Variants in DMBT1 observed in about 807,000 individuals in gnomAD.
DMBT1 encodes scavenger receptor cysteine-rich domain-containing protein DMBT1.
DMBT1 carries 198 observed loss-of-function variants against 252.9 expected under a neutral mutation model. The observed-to-expected ratio is 0.78, with a 90% CI of 0.70 to 0.88. The LOEUF is 0.88. Ranked by LOEUF, DMBT1 falls within the 40% of genes least tolerant of loss-of-function variation. DMBT1 has a pLI of 0.00. For missense variants in DMBT1, 2,432 were observed against 2,404.7 expected, an observed-to-expected ratio of 1.01 and a Z score of -0.24; for synonymous variants, 990 against 942.7, an observed-to-expected ratio of 1.05 and a Z score of -0.92.
chr10:122,586,713 T>A (rs1165072610), intron 16 of DMBT1, among the ~76,000 whole-genome samples: 20 of 148,444 alleles, frequency 1.3e-4, no homozygotes, highest in African/African-American at 4.6e-4. Flanking sequence ...TTCATGAAGA[T>A]AGAGGTTGAT....
chr10:122,643,193 C>T lies in DMBT1; in HGVS notation c.7424C>T (p.Ala2475Val). The change falls in exon 56 of 56, where the codon GCC becomes GTC. Residue 2475 changes from alanine (A) to valine (V), a missense_variant. Around this residue, in one of 3 missense-constraint regions of DMBT1, gnomAD observed 1,162 missense variants for 1,169.0 expected, o/e 0.99. Coordinates refer to ENST00000338354, the MANE Select transcript of DMBT1 (RefSeq NM_001377530.1). ...SLRIARFRFR[A>V]FHFLNRFPSV... Reference sequence around the variant, plus strand: ...CGCATTGCCCGCTTCCGGTTCAGGGCCTTCCACTTCCTGAACCGCTTCCCC... The same window carrying T: ...CGCATTGCCCGCTTCCGGTTCAGGGTCTTCCACTTCCTGAACCGCTTCCCC... 1 of 1,613,936 alleles carries T rather than the reference C, an allele frequency of 6.2e-7. No individual in the cohort carries two copies. The highest frequency in any genetic ancestry group is 8.5e-7 in the Non-Finnish European group (1 of 1,179,870).
At chr10:122,627,611 T>A (rs1246037055) in intron 46 of DMBT1, among the ~76,000 whole-genome samples, 1 of 152,224 alleles carries the variant, frequency 6.6e-6, no homozygotes, top group Non-Finnish European at 1.5e-5. Flanking sequence ...AGTGACTATA[T>A]ACAATAGCAT....
chr10:122,642,336 C>A (rs74969410), intron 55 of DMBT1, among the ~76,000 whole-genome samples: 4 of 152,170 alleles, frequency 2.6e-5, no homozygotes, highest in Non-Finnish European at 4.4e-5. Context: ...CCACCACCCA[C>A]GAGAAATGCC....
intron 1 of DMBT1, 125 bp from the exon 2 acceptor site, chr10:122,565,842 C>A: frequency 1.1e-6 from 1 of 899,958 alleles, no homozygotes; most frequent in Non-Finnish European, 1.8e-6. Flanking sequence ...CGGGGACACA[C>A]AAACCCAAGA....
At chr10:122,618,452 T>C in intron 41 of DMBT1, 112 bp downstream of exon 41, 2 of 1,550,804 alleles carry the variant, frequency 1.3e-6, no homozygotes, top group East Asian at 4.6e-5. Flanking sequence ...TTTTCTATAT[T>C]TCTGAAGTCT....
intron 26 of DMBT1, among the ~76,000 whole-genome samples, chr10:122,599,357 G>A (rs115590461): frequency 2.0e-5 from 3 of 152,266 alleles, no homozygotes; most frequent in Admixed American, 2.0e-4. Flanking sequence ...GAAGAGAAAA[G>A]TGCTGGCTCC....
At chr10:122,620,999 C>T (rs1476380095) in intron 43 of DMBT1, 58 bp from the exon 44 acceptor site, 1 of 1,606,160 alleles carries the variant, frequency 6.2e-7, no homozygotes, top group Non-Finnish European at 8.5e-7. Flanking sequence ...GTGGAACATT[C>T]CTTAAATCCT....
chr10:122,618,826 G>A (rs371359107), intron 41 of DMBT1, among the ~76,000 whole-genome samples: 3 of 152,262 alleles, frequency 2.0e-5, no homozygotes, highest in South Asian at 2.1e-4. Context: ...ATGTCTGTTT[G>A]TGTCAGGCCT....
chr10:122,629,871 C>G lies in DMBT1; in HGVS notation c.5700C>G (p.Phe1900Leu). Residue 1900 changes from phenylalanine (F) to leucine (L), a missense_variant, in exon 47 of 56, where the codon TTC becomes TTG. Coordinates refer to ENST00000338354, the MANE Select transcript of DMBT1 (RefSeq NM_001377530.1). The stretch of plus-strand genomic sequence containing the variant: ...CTTCAAATTGTGGTGGCTTCTTATT[C>G]TATGCCAGTGGGACATTCTCCAGCC... ...RPSSNCGGFL[F>L]YASGTFSSPS... The G allele has an allele frequency of 6.2e-7, 1 of 1,614,022 alleles. No individual in the cohort carries two copies. The highest frequency in any genetic ancestry group is 8.5e-7 in the Non-Finnish European group (1 of 1,179,876).
rs546531968 is a variant in DMBT1, at chr10:122,586,152, G to T, written c.1552G>T (p.Val518Leu). 30 of 1,589,276 alleles carry T rather than the reference G, an allele frequency of 1.9e-5. 6 individuals are homozygous for T. The highest frequency in any genetic ancestry group is 2.6e-6 in the Non-Finnish European group (3 of 1,166,124). ...EVLYRGSWGT[V>L]CDDSWDTNDA... is the part of the protein sequence containing the mutation. The stretch of plus-strand genomic sequence containing the variant: ...CCTATACCGAGGCTCCTGGGGCACC[G>T]TGTGTGATGACAGCTGGGACACCAA... Residue 518 changes from valine to leucine, a missense_variant, in exon 16 of 56, where the codon GTG (valine) becomes TTG (leucine). By Grantham distance (32) the Val-to-Leu change is conservative. Transcript: ENST00000338354.
chr10:122,573,588 T>C, intron 5 of DMBT1, 127 bp from the exon 6 acceptor site: 1 of 1,216,220 alleles, frequency 8.2e-7, no homozygotes. Flanking sequence ...ATGGTTGGCT[T>C]TTAGCAATGG....
chr10:122,561,377 C>T (rs1249318647), intron 1 of DMBT1, among the ~76,000 whole-genome samples: 2 of 152,154 alleles, frequency 1.3e-5, no homozygotes, highest in African/African-American at 4.8e-5. Context: ...CTGTCATGCA[C>T]AGCTTTAAAC....
At chr10:122,619,414 T>C in intron 42 of DMBT1, 77 bp downstream of exon 42, 1 of 1,582,756 alleles carries the variant, frequency 6.3e-7, no homozygotes. Flanking sequence ...CACAGAGCTC[T>C]CCTGCTTTTC....
chr10:122,566,460 C>T (rs982165146), intron 2 of DMBT1, among the ~76,000 whole-genome samples: 4 of 151,874 alleles, frequency 2.6e-5, no homozygotes, highest in African/African-American at 7.3e-5. Flanking sequence ...TACAGGTGCG[C>T]ACCACCACGC....
chr10:122,585,121 C>T, intron 14 of DMBT1, 150 bp from the exon 15 acceptor site: 4 of 1,056,156 alleles, frequency 3.8e-6, no homozygotes, highest in South Asian at 1.5e-5. Flanking sequence ...GCTTGCTGAG[C>T]TGCAGACTTG....
chr10:122,579,658 T>A lies in DMBT1; in HGVS notation c.760T>A (p.Ser254Thr). The A allele has an allele frequency of 6.2e-7, 1 of 1,613,806 alleles. No homozygotes were observed. The highest frequency in any genetic ancestry group is 8.5e-7 in the Non-Finnish European group (1 of 1,179,792). ...CCGAGTGGAGGTCCTATACCGAGGC[T>A]CCTGGGGCACCGTGTGTGATGACTA... ...RGRVEVLYRG[S>T]WGTVCDDYWD... Residue 254 changes from serine to threonine, a missense_variant, in exon 10 of 56, where the codon TCC (serine) becomes ACC (threonine). Coordinates refer to ENST00000338354, the MANE Select transcript of DMBT1 (RefSeq NM_001377530.1).
chr10:122,564,664 A>C lies in DMBT1; in HGVS notation c.62-1303A>C, dbSNP rs560040243. Among the ~76,000 whole-genome samples the C allele has an allele frequency of 1.4e-4, 21 of 152,196 alleles. No individual in the cohort carries two copies. The South Asian group carries it at 4.2e-3, about 30-fold the overall frequency. ...TTTTTTAGCAAAATAAGATGGTTGA[A>C]GTTCTTGTTGCAAAATATCATGTGA... On this transcript the variant is annotated intron_variant, in intron 1 of 55. Coordinates refer to ENST00000338354, the MANE Select transcript of DMBT1 (RefSeq NM_001377530.1).
At chr10:122,586,420 T>C in intron 16 of DMBT1, 37 bp downstream of exon 16, 1 of 1,584,362 alleles carries the variant, frequency 6.3e-7, no homozygotes. Flanking sequence ...TCTCTTGGGG[T>C]AGATTTTGCT....
intron 46 of DMBT1, among the ~76,000 whole-genome samples, chr10:122,628,188 A>G (rs2098132225): frequency 6.6e-6 from 1 of 152,242 alleles, no homozygotes; most frequent in Non-Finnish European, 1.5e-5. Context: ...AGGAGAAATG[A>G]AAACATATGT....
Sources: gnomAD v4.1 joint callset for allele counts (sites outside exome capture counted in the v4.1 genomes callset) on GRCh38, gnomAD v4.1.1 for gene constraint, gnomAD v4.1.1 regional missense constraint, MANE v1.5 for transcripts, NCBI Gene and HGNC (gene_info 2026-07-23, HGNC 2026-07-21) for gene names.